The following KLF8 variants were observed in gnomAD, a reference collection of about 807,000 sequenced individuals.
KLF8 encodes the protein Krueppel-like factor 8.
In KLF8, 10 loss-of-function variants were observed where a neutral mutation model predicts 18.2. The ratio of observed to expected loss-of-function variants is 0.55; its 90% CI spans 0.34 to 0.93. KLF8 has a LOEUF of 0.93. Among genes scored for constraint, KLF8 ranks in the 40% least tolerant of loss-of-function variants. The probability of loss-of-function intolerance (pLI) is 0.02; values close to 1 mark genes in which losing one functional copy is unlikely to be tolerated. For synonymous variants in KLF8, 109 were observed against 97.3 expected, an observed-to-expected ratio of 1.12 and a Z score of -0.71; for missense variants, 264 against 277.9, an observed-to-expected ratio of 0.95 and a Z score of 0.36.
At chrX:56,162,094 G>A in the KLF8 span, among the ~76,000 whole-genome samples, 3 of 111,863 alleles carry the variant, frequency 2.7e-5, no homozygotes, top group South Asian at 7.5e-4. Context: ...TAATACTGGT[G>A]AGCAGCAAAT....
At chrX:56,030,129 C>T in the KLF8 span, among the ~76,000 whole-genome samples, 1 of 112,042 alleles carries the variant, frequency 8.9e-6, no homozygotes. Context: ...GCTGGGCTTT[C>T]CTCCTTTCCT....
chrX:56,282,213 G>T (rs149420053), intron 5 of KLF8, among the ~76,000 whole-genome samples: 344 of 112,433 alleles, frequency 3.1e-3, no homozygotes, highest in African/African-American at 0.011. Flanking sequence ...TAGCCTTCCA[G>T]ATCTTTCCTC....
chrX:56,018,140 C>T, the KLF8 span, among the ~76,000 whole-genome samples: 6 of 111,486 alleles, frequency 5.4e-5, no homozygotes, highest in African/African-American at 2.0e-4. Flanking sequence ...TTTCTTCTAT[C>T]TAACTGTATC....
At chrX:55,978,464 C>T in the KLF8 span, among the ~76,000 whole-genome samples, 1 of 111,827 alleles carries the variant, frequency 8.9e-6, no homozygotes, top group South Asian at 3.7e-4. Context: ...GAAATGTATG[C>T]CAGCACATGT....
At chrX:56,130,149 CT>C in the KLF8 span, among the ~76,000 whole-genome samples, 2 of 111,271 alleles carry the variant, frequency 1.8e-5, no homozygotes, top group African/African-American at 6.5e-5. Context: ...CTCCCCTATA[CT>C]ACCACAGCTA....
At chrX:55,966,945 AG>A in the KLF8 span, among the ~76,000 whole-genome samples, 5 of 112,229 alleles carry the variant, frequency 4.5e-5, no homozygotes, top group African/African-American at 1.3e-4. Context: ...AAAACAATCA[AG>A]AAAAAAATTA....
the KLF8 span, among the ~76,000 whole-genome samples, chrX:56,204,698 C>T: frequency 9.0e-6 from 1 of 110,658 alleles, no homozygotes; most frequent in African/African-American, 3.3e-5. Flanking sequence ...GGCTTTTCTC[C>T]TTCATTTTTT....
At chrX:55,975,148 G>A in the KLF8 span, among the ~76,000 whole-genome samples, 5 of 111,620 alleles carry the variant, frequency 4.5e-5, no homozygotes, top group East Asian at 1.4e-3. Flanking sequence ...ACACAGGGTG[G>A]TCTGGCCTCT....
chrX:56,015,185 C>A, the KLF8 span: 1 of 111,121 alleles, frequency 9.0e-6, no homozygotes, highest in African/African-American at 3.3e-5. Flanking sequence ...ATAATTTTTC[C>A]CCATTCAACA....
At chrX:55,984,770 C>T in the KLF8 span, among the ~76,000 whole-genome samples, 1 of 110,955 alleles carries the variant, frequency 9.0e-6, no homozygotes, top group Non-Finnish European at 1.9e-5. Flanking sequence ...TTTTTCTCCA[C>T]GACCTTGCTA....
the KLF8 span, among the ~76,000 whole-genome samples, chrX:56,145,532 C>A: frequency 8.9e-6 from 1 of 111,752 alleles, no homozygotes; most frequent in Non-Finnish European, 1.9e-5. Flanking sequence ...TTCGCAATAA[C>A]CAAAAAGTAG....
At chrX:56,176,337 C>G in the KLF8 span, among the ~76,000 whole-genome samples, 3 of 111,401 alleles carry the variant, frequency 2.7e-5, no homozygotes, top group African/African-American at 6.5e-5. Flanking sequence ...GTCTGTAAAG[C>G]ATTTTATTTC....
chrX:56,189,970 T>G, the KLF8 span, among the ~76,000 whole-genome samples: 1 of 107,683 alleles, frequency 9.3e-6, no homozygotes, highest in Non-Finnish European at 1.9e-5. Context: ...TGTATACATA[T>G]GTAACTAACC....
the KLF8 span, among the ~76,000 whole-genome samples, chrX:56,168,497 A>G: frequency 8.9e-6 from 1 of 112,363 alleles, no homozygotes; most frequent in East Asian, 2.8e-4. Context: ...ACATAAAAAA[A>G]TAGTCTTTTT....
intron 2 of KLF8, among the ~76,000 whole-genome samples, chrX:56,253,312 A>C (rs1163929008): frequency 8.9e-6 from 1 of 112,161 alleles, no homozygotes; most frequent in Non-Finnish European, 1.9e-5. Context: ...GATTTTCCCA[A>C]ATATTTTCTG....
chrX:56,278,048 C>T (rs772863770), intron 5 of KLF8, among the ~76,000 whole-genome samples: 4 of 112,516 alleles, frequency 3.6e-5, no homozygotes, highest in Non-Finnish European at 7.5e-5. Context: ...CGCTTGAGGG[C>T]AGTGGGCTCC....
chrX:56,036,678 A>G, the KLF8 span, among the ~76,000 whole-genome samples: 19 of 111,834 alleles, frequency 1.7e-4, no homozygotes, highest in African/African-American at 6.1e-4. Flanking sequence ...TTGTAGTTCC[A>G]TACATATTTT....
At chrX:56,220,494 CTTT>C in the KLF8 span, among the ~76,000 whole-genome samples, 1 of 109,205 alleles carries the variant, frequency 9.2e-6, no homozygotes, top group Non-Finnish European at 1.9e-5. Flanking sequence ...CTTTCCTTTT[CTTT>C]TTTTTTGAGA....
the KLF8 span, among the ~76,000 whole-genome samples, chrX:56,174,292 G>A: frequency 2.7e-5 from 3 of 112,015 alleles, no homozygotes; most frequent in Admixed American, 9.5e-5. Flanking sequence ...ATTATTGAGA[G>A]TTTTTAGCAT....
Sources: gnomAD v4.1 joint callset for allele counts (sites outside exome capture counted in the v4.1 genomes callset) on GRCh38, gnomAD v4.1.1 for gene constraint, MANE v1.5 for transcripts, NCBI Gene and HGNC (gene_info 2026-07-23, HGNC 2026-07-21) for gene names.